The following SLAMF1 variants were observed in gnomAD, a reference collection of about 807,000 sequenced individuals.
The protein encoded by SLAMF1 is signaling lymphocytic activation molecule.
In SLAMF1, 18 loss-of-function variants were observed where a neutral mutation model predicts 35.1. The observed-to-expected ratio is 0.51, with a 90% CI of 0.35 to 0.76. The LOEUF is 0.76. Among genes scored for constraint, SLAMF1 ranks in the 30% least tolerant of loss-of-function variants. The pLI is 0.01. For synonymous variants in SLAMF1, 168 were observed against 157.2 expected (o/e 1.07, Z -0.51); for missense variants, 392 against 413.0 (o/e 0.95, Z 0.44).
In SLAMF1 at chr1:160,610,678, G is replaced by A; in HGVS notation, c.*70C>T. 2.5e-6 allele frequency: 3 copies of A among 1,183,912 alleles called. No homozygotes were observed. The highest frequency in any genetic ancestry group is 3.8e-6 in the Non-Finnish European group (3 of 789,844). The allele number at this position is 1,183,912 out of a possible 1,614,324, so 73.3% of individuals were successfully genotyped here. A position where few individuals can be genotyped will look rare whatever the true frequency, so the allele number is the denominator to read the frequency against. On this transcript the variant is annotated 3_prime_UTR_variant, in exon 7 of 7. Coordinates refer to ENST00000302035, the MANE Select transcript of SLAMF1 (RefSeq NM_003037.5). ...GTCTGCCAGAGGAAACTTGGGGCCTGTGGCCAAGTTCAGTGTTCATTTTGG... is the reference window on the plus strand; with the variant it reads ...GTCTGCCAGAGGAAACTTGGGGCCTATGGCCAAGTTCAGTGTTCATTTTGG...
chr1:160,614,501 G>A (rs1659178024), intron 5 of SLAMF1, among the ~76,000 whole-genome samples: 1 of 151,694 alleles, frequency 6.6e-6, no homozygotes, highest in African/African-American at 2.4e-5. Flanking sequence ...TTGAACCAGG[G>A]AGCTGGAGGT....
intron 6 of SLAMF1, 75 bp downstream of exon 6, chr1:160,612,410 TAAA>T: frequency 2.6e-6 from 2 of 780,062 alleles, no homozygotes; most frequent in Non-Finnish European, 2.0e-6. Context: ...CTTCCCACCT[TAAA>T]AAAAAAAAAC....
intron 1 of SLAMF1, 72 bp downstream of exon 1, chr1:160,646,798 T>C (rs1661059882): frequency 1.2e-6 from 1 of 834,392 alleles, no homozygotes; most frequent in Non-Finnish European, 2.1e-6. Flanking sequence ...GCACCTTCTC[T>C]CCATCCACGA....
chr1:160,619,960 T>A, intron 4 of SLAMF1, 111 bp from the exon 5 acceptor site: 1 of 757,290 alleles, frequency 1.3e-6, no homozygotes, highest in South Asian at 1.5e-5. Context: ...AAGGGCACAA[T>A]GGAAACAAAG....
rs1334447613 is a variant in SLAMF1 at position 160,622,458 on chromosome 1, ATCTGTTCTAGGTATTGTTTCCAGAT to A, written c.790+1613_790+1637del. Among the ~76,000 whole-genome samples the A allele has an allele frequency of 3.3e-5, 5 of 152,158 alleles. No individual in the cohort carries two copies. The South Asian group carries it at 1.0e-3, about 32-fold the overall frequency. On this transcript the variant is annotated intron_variant, in intron 4 of 6. Coordinates refer to ENST00000302035, the MANE Select transcript of SLAMF1 (RefSeq NM_003037.5). Reference sequence around the variant, plus strand: ...GTTACCATGACTTAAAATATTTTCAATCTGTTCTAGGTATTGTTTCCAGATGCTTCCAGTGCAGCTTCTCCTGGCC... The same window carrying A: ...GTTACCATGACTTAAAATATTTTCAAGCTTCCAGTGCAGCTTCTCCTGGCC...
chr1:160,615,377 G>A (rs1185968663), intron 5 of SLAMF1, among the ~76,000 whole-genome samples: 1 of 152,044 alleles, frequency 6.6e-6, no homozygotes, highest in Admixed American at 6.6e-5. Context: ...ACTTTGGTAA[G>A]TCAAAGTTGT....
At chr1:160,639,095 G>A (rs1391658954) in intron 1 of SLAMF1, among the ~76,000 whole-genome samples, 1 of 152,184 alleles carries the variant, frequency 6.6e-6, no homozygotes, top group East Asian at 1.9e-4. Flanking sequence ...GAGGTCTAAA[G>A]GGCATTTCAA....
intron 5 of SLAMF1, among the ~76,000 whole-genome samples, chr1:160,614,598 AGACC>A (rs1659192569): frequency 1.3e-5 from 2 of 151,310 alleles, no homozygotes; most frequent in Non-Finnish European, 2.9e-5. Flanking sequence ...AAAAGAAGAG[AGACC>A]TTTATCAACA....
chr1:160,635,857 G>A (rs961566871), intron 2 of SLAMF1, among the ~76,000 whole-genome samples: 1 of 152,052 alleles, frequency 6.6e-6, no homozygotes, highest in South Asian at 2.1e-4. Flanking sequence ...GAGATTACAG[G>A]CGTGAGCCAC....
At chr1:160,621,847 CGTGA>C (rs1659625029) in intron 4 of SLAMF1, among the ~76,000 whole-genome samples, 1 of 116,472 alleles carries the variant, frequency 8.6e-6, no homozygotes, top group Admixed American at 8.3e-5. Flanking sequence ...GAGGAGTGTG[CGTGA>C]GTGCGTGTGT....
At chr1:160,636,986 C>T (rs1660484375) in intron 2 of SLAMF1, 1 of 576,016 alleles carries the variant, frequency 1.7e-6, no homozygotes, top group African/African-American at 1.9e-5. Flanking sequence ...AATGCTTAAT[C>T]AGCTACCATC....
rs780286169 is a variant in SLAMF1, at chr1:160,634,703, C to T, written c.610G>A (p.Asp204Asn). The change falls in exon 3 of 7, where the codon GAC becomes AAC. Residue 204 changes from aspartate to asparagine, a missense_variant. Transcript: ENST00000302035. Reference protein sequence around the residue: ...LSLTLGPQHADNIYICTVSNP... With the variant: ...LSLTLGPQHANNIYICTVSNP... ...CTCACGGTGCAGATGTAGATATTGT[C>T]AGCATGCTGGGGGCCGAGGGTGAGG... The T allele has an allele frequency of 6.2e-7, 1 of 1,613,992 alleles. No homozygotes were observed. Among genetic ancestry groups the T allele is most frequent in the African/African-American group, 1.3e-5 (1 of 74,892 alleles).
chr1:160,641,220 C>G (rs1660726771), intron 1 of SLAMF1, among the ~76,000 whole-genome samples: 1 of 151,946 alleles, frequency 6.6e-6, no homozygotes, highest in African/African-American at 2.4e-5. Context: ...ATCTGAGATT[C>G]AAAACAAGAT....
intron 4 of SLAMF1, among the ~76,000 whole-genome samples, chr1:160,621,107 T>A (rs9282848): frequency 0.026 from 3,918 of 152,286 alleles, 139 homozygotes; most frequent in African/African-American, 0.088. Context: ...GTATCCTTTG[T>A]ATACATCATG....
rs1414935005 is a variant in SLAMF1 at position 160,608,537 on chromosome 1, T to G, written c.*2211A>C. ...CCATGGTCTAGGGTGAGAGGCATAA[T>G]GCCAGTGCTGTTTGGTGGGTGGCCC... On this transcript the variant is annotated 3_prime_UTR_variant, in exon 7 of 7. Transcript: ENST00000302035. 6.6e-6 allele frequency: 1 copy of G among 152,332 alleles called. No homozygotes were observed. The highest frequency in any genetic ancestry group is 1.9e-4 in the East Asian group (1 of 5,196). 9.4% of individuals were successfully genotyped at this position (152,332 alleles called of 1,614,324 possible).
chr1:160,632,644 GT>G (rs1291861509), intron 3 of SLAMF1, among the ~76,000 whole-genome samples: 1 of 152,066 alleles, frequency 6.6e-6, no homozygotes, highest in Non-Finnish European at 1.5e-5. Flanking sequence ...CCTTTTTTGG[GT>G]TAGGCCAGGG....
At chr1:160,643,761 A>G (rs1660883196) in intron 1 of SLAMF1, among the ~76,000 whole-genome samples, 1 of 152,240 alleles carries the variant, frequency 6.6e-6, no homozygotes, top group Non-Finnish European at 1.5e-5. Flanking sequence ...CTTTATGCTA[A>G]GAACATTTGA....
At chr1:160,626,378 A>T (rs994823290) in intron 3 of SLAMF1, among the ~76,000 whole-genome samples, 2 of 152,166 alleles carry the variant, frequency 1.3e-5, no homozygotes, top group Non-Finnish European at 2.9e-5. Flanking sequence ...TATCTTTTCT[A>T]GGGTCTCTAG....
intron 2 of SLAMF1, among the ~76,000 whole-genome samples, chr1:160,635,143 A>G (rs1016122016): frequency 6.6e-6 from 1 of 152,222 alleles, no homozygotes; most frequent in African/African-American, 2.4e-5. Flanking sequence ...CAATATTGTT[A>G]GGGCTCCACT....
Sources: allele counts gnomAD v4.1 joint callset (sites outside exome capture counted in the v4.1 genomes callset), GRCh38; gene constraint gnomAD v4.1.1; transcripts MANE v1.5; gene names NCBI Gene and HGNC (gene_info 2026-07-23, HGNC 2026-07-21).